The following PRKDC variants were observed in gnomAD, a reference collection of about 807,000 sequenced individuals.
PRKDC encodes the protein DNA-dependent protein kinase catalytic subunit.
A neutral mutation model predicts 486.9 loss-of-function variants in PRKDC; 82 were observed. The ratio of observed to expected loss-of-function variants is 0.17; its 90% CI spans 0.14 to 0.20. The LOEUF (loss-of-function observed/expected upper bound fraction) is 0.20, where lower values mean the gene tolerates loss of function less well. Ranked by LOEUF, PRKDC falls within the 10% of genes least tolerant of loss-of-function variation. PRKDC has a pLI of 1.00. For synonymous variants in PRKDC, 1,895 were observed against 1,837.0 expected, an observed-to-expected ratio of 1.03 and a Z score of -0.81; for missense variants, 4,504 against 5,038.2, an observed-to-expected ratio of 0.89 and a Z score of 3.21.
Position 47,836,370 on chromosome 8 carries a change from T to C in PRKDC, c.7919A>G (p.Gln2640Arg). 2.5e-6 allele frequency: 4 copies of C among 1,605,182 alleles called. No individual in the cohort carries two copies. The highest frequency in any genetic ancestry group is 3.4e-6 in the Non-Finnish European group (4 of 1,174,444). ...PVAGQIRATQ[Q>R]QHDFTLTQTA... Reference sequence around the variant, plus strand: ...CTGTGTCAGTGTGAAGTCATGCTGCTGCTGGGTGGCCCTTATCTGCCCTGC... The same window carrying C: ...CTGTGTCAGTGTGAAGTCATGCTGCCGCTGGGTGGCCCTTATCTGCCCTGC... The change falls in exon 58 of 86, where the codon CAG becomes CGG. Residue 2640 changes from glutamine to arginine, a missense_variant. Physicochemically the swap from Gln to Arg is conservative, Grantham distance 43. This residue lies in a region of PRKDC where 1,592 missense variants were observed against 1,724.6 expected (regional missense o/e 0.92). Coordinates refer to ENST00000314191, the MANE Select transcript of PRKDC (RefSeq NM_006904.7).
Position 47,782,090 on chromosome 8 carries a change from C to T in PRKDC, c.11489+72G>A, listed in dbSNP as rs1041014163. On this transcript the variant is annotated intron_variant, in intron 80 of 85. Coordinates refer to ENST00000314191, the MANE Select transcript of PRKDC (RefSeq NM_006904.7). The surrounding 1 kb of genome is among the most constrained non-coding windows in gnomAD (Gnocchi z 4.9). ...TGTGGGCTCTCGAGCGCGCCTGTCACGGCCCCGACCTGCCACTGGAGAAGT... is the reference window on the plus strand; with the variant it reads ...TGTGGGCTCTCGAGCGCGCCTGTCATGGCCCCGACCTGCCACTGGAGAAGT... The T allele has an allele frequency of 2.7e-5, 38 of 1,414,566 alleles. No individual in the cohort carries two copies. The highest frequency in any genetic ancestry group is 5.3e-5 in the Admixed American group (3 of 57,140). 87.6% of individuals were successfully genotyped at this position (1,414,566 alleles called of 1,614,324 possible).
chr8:47,793,213 C>T (rs2154497937), intron 74 of PRKDC, among the ~76,000 whole-genome samples: 1 of 152,338 alleles, frequency 6.6e-6, no homozygotes, highest in African/African-American at 2.4e-5. Context: ...CTGTCTCTCA[C>T]ATCTTTTTCT....
intron 34 of PRKDC, among the ~76,000 whole-genome samples, chr8:47,888,208 T>C (rs920510527): frequency 1.3e-5 from 2 of 152,196 alleles, no homozygotes; most frequent in South Asian, 4.1e-4. Context: ...GATTCTTCAT[T>C]TGTGTTGTCT....
At chr8:47,869,087 A>G (rs1193554160) in intron 40 of PRKDC, among the ~76,000 whole-genome samples, 1 of 152,150 alleles carries the variant, frequency 6.6e-6, no homozygotes, top group Non-Finnish European at 1.5e-5. Context: ...AAACTTGAAA[A>G]GCAACTAAGA....
intron 40 of PRKDC, among the ~76,000 whole-genome samples, chr8:47,873,227 CAAAAAAAAAA>C (rs60385860): frequency 2.8e-5 from 2 of 71,078 alleles, no homozygotes; most frequent in Admixed American, 1.2e-4. Context: ...GACTCCATCT[CAAAAAAAAAA>C]AAAAAAAAAA....
At chr8:47,865,904 C>T (rs1246316392) in intron 40 of PRKDC, among the ~76,000 whole-genome samples, 8 of 152,234 alleles carry the variant, frequency 5.3e-5, no homozygotes, top group Middle Eastern at 3.4e-3. Context: ...GCCTGTAATC[C>T]CAGCACTTCG....
intron 13 of PRKDC, among the ~76,000 whole-genome samples, chr8:47,935,404 G>T (rs1477388672): frequency 6.6e-6 from 1 of 152,024 alleles, no homozygotes; most frequent in African/African-American, 2.4e-5. Context: ...GGAAGCTGAG[G>T]CAAGAGAATC....
At chr8:47,850,160 AC>A (rs1046828425) in intron 52 of PRKDC, among the ~76,000 whole-genome samples, 15 of 152,140 alleles carry the variant, frequency 9.9e-5, no homozygotes, top group African/African-American at 3.4e-4. Flanking sequence ...ACAGAGAAGT[AC>A]TCAGTAGAGT....
In PRKDC at chr8:47,855,257, G is replaced by A. The variant is rs1221965018; in HGVS notation, c.6726C>T (p.Val2242=). The part of the protein sequence containing the change: ...RHNLEIIKTL[V]ECWKDCLSIP... ...TGGATAAACAATCCTTCCAGCACTCGACAAGGGTCTTTATAATTTCAAGGT... is the reference window on the plus strand; with the variant it reads ...TGGATAAACAATCCTTCCAGCACTCAACAAGGGTCTTTATAATTTCAAGGT... The change falls in exon 50 of 86, where the codon GTC becomes GTT. Residue 2242 remains valine (V), a synonymous_variant. Coordinates refer to ENST00000314191, the MANE Select transcript of PRKDC (RefSeq NM_006904.7). The A allele has an allele frequency of 3.1e-6, 5 of 1,604,504 alleles. No individual in the cohort carries two copies. The African/African-American group carries it at 4.0e-5, about 13-fold the overall frequency.
chr8:47,863,813 CA>C (rs1466248607), intron 41 of PRKDC, among the ~76,000 whole-genome samples: 1 of 152,098 alleles, frequency 6.6e-6, no homozygotes, highest in Non-Finnish European at 1.5e-5. Flanking sequence ...AATAGTGAGC[CA>C]AGGGTAGAAA....
intron 50 of PRKDC, among the ~76,000 whole-genome samples, 172 bp from the exon 51 acceptor site, chr8:47,854,386 G>A (rs1328430767): frequency 6.6e-6 from 1 of 152,136 alleles, no homozygotes; most frequent in African/African-American, 2.4e-5. Flanking sequence ...CGCCCAGGCT[G>A]GAGTGCAGTT....
chr8:47,945,880 C>T (rs1563818027), intron 7 of PRKDC, among the ~76,000 whole-genome samples: 1 of 152,232 alleles, frequency 6.6e-6, no homozygotes, highest in South Asian at 2.1e-4. Flanking sequence ...TGCCACCACG[C>T]CCGGCTAATT....
intron 16 of PRKDC, 113 bp downstream of exon 16, chr8:47,932,907 C>A: frequency 1.1e-6 from 1 of 935,054 alleles, no homozygotes; most frequent in Non-Finnish European, 1.5e-6. Context: ...TCCTGAAGAA[C>A]CAAATTTTCT....
chr8:47,819,778 C>G (rs754071659), intron 66 of PRKDC, among the ~76,000 whole-genome samples: 1 of 152,146 alleles, frequency 6.6e-6, no homozygotes. Flanking sequence ...GACTTGCCAC[C>G]AAGTTTTAAC....
chr8:47,878,486 GC>G (rs1346554654), intron 39 of PRKDC, among the ~76,000 whole-genome samples: 1 of 151,926 alleles, frequency 6.6e-6, no homozygotes, highest in Admixed American at 6.6e-5. Flanking sequence ...CCTTCAACAG[GC>G]CCCCCTCCTT....
At chr8:47,883,514 C>T (rs761723462) in intron 36 of PRKDC, among the ~76,000 whole-genome samples, 27 of 152,194 alleles carry the variant, frequency 1.8e-4, no homozygotes, top group Admixed American at 4.6e-4. Flanking sequence ...ACTCCTGACC[C>T]CTGCCCTCCG....
intron 49 of PRKDC, among the ~76,000 whole-genome samples, chr8:47,856,320 C>T (rs764231424): frequency 3.3e-5 from 5 of 152,022 alleles, no homozygotes; most frequent in African/African-American, 7.2e-5. Flanking sequence ...CTCCGCCTCC[C>T]GGGTTTAAGC....
At chr8:47,872,501 T>TAAAAAAAAA (rs748681244) in intron 40 of PRKDC, among the ~76,000 whole-genome samples, 3 of 74,118 alleles carry the variant, frequency 4.0e-5, no homozygotes, top group African/African-American at 8.1e-5. Flanking sequence ...TATAAAAAAG[T>TAAAAAAAAA]AAAAAAAAAA....
chr8:47,896,638 C>T (rs1248225551), intron 30 of PRKDC, among the ~76,000 whole-genome samples: 6 of 148,426 alleles, frequency 4.0e-5, no homozygotes, highest in Admixed American at 2.0e-4. Context: ...AAGAGCGAGA[C>T]TCCGTCTCAA....
Sources: gnomAD v4.1 joint callset for allele counts (sites outside exome capture counted in the v4.1 genomes callset) on GRCh38, gnomAD v4.1.1 for gene constraint, gnomAD v4.1.1 regional missense constraint, Gnocchi (gnomAD v3.1) non-coding constraint, MANE v1.5 for transcripts, NCBI Gene and HGNC (gene_info 2026-07-23, HGNC 2026-07-21) for gene names.